The following CCL26 variants were observed in gnomAD, a reference collection of about 807,000 sequenced individuals.
CCL26 encodes C-C motif chemokine ligand 26, also known as C-C motif chemokine 26.
Under a neutral mutation model 10.7 loss-of-function variants are expected in CCL26, and 10 were observed. The observed-to-expected ratio is 0.93, with a 90% CI of 0.57 to 1.58. The LOEUF is 1.58. CCL26 is among the 40% of genes most tolerant of loss of function. The probability of loss-of-function intolerance (pLI) is 0.00; values close to 1 mark genes in which losing one functional copy is unlikely to be tolerated. For missense variants in CCL26, 116 were observed against 111.0 expected, an observed-to-expected ratio of 1.05 and a Z score of -0.20; for synonymous variants, 43 against 41.4, an observed-to-expected ratio of 1.04 and a Z score of -0.15.
intron 2 of CCL26, among the ~76,000 whole-genome samples, chr7:75,771,359 G>A (rs1407654962): frequency 6.6e-6 from 1 of 152,140 alleles, no homozygotes; most frequent in African/African-American, 2.4e-5. Flanking sequence ...TTAATTGTTA[G>A]CCACATTTTC....
At chr7:75,771,221 A>C (rs1554528062) in intron 2 of CCL26, among the ~76,000 whole-genome samples, 1 of 152,090 alleles carries the variant, frequency 6.6e-6, no homozygotes, top group Non-Finnish European at 1.5e-5. Flanking sequence ...GTACAACTCC[A>C]CCAATTTAAA....
chr7:75,787,499 G>C (rs2115696902), intron 1 of CCL26, among the ~76,000 whole-genome samples: 1 of 151,780 alleles, frequency 6.6e-6, no homozygotes, highest in East Asian at 1.9e-4. Flanking sequence ...AAAAAAATTA[G>C]CCAAGCGTGG....
At chr7:75,780,972 A>G (rs58965859) in intron 1 of CCL26, among the ~76,000 whole-genome samples, 106,573 of 152,046 alleles carry the variant, frequency 0.7, 37,425 homozygotes, top group Admixed American at 0.75. Context: ...AGCTAAAGGC[A>G]TAGTCAAGGT....
At chr7:75,788,111 A>G (rs1469864521) in intron 1 of CCL26, among the ~76,000 whole-genome samples, 3 of 151,972 alleles carry the variant, frequency 2.0e-5, no homozygotes, top group Admixed American at 6.6e-5. Flanking sequence ...CGCCGCCCCA[A>G]TACTTTACCA....
chr7:75,778,866 A>G (rs1261604766), intron 1 of CCL26, among the ~76,000 whole-genome samples: 1 of 151,866 alleles, frequency 6.6e-6, no homozygotes, highest in African/African-American at 2.4e-5. Context: ...GCAGATCACT[A>G]GGTCAGGAGT....
At chr7:75,788,555 G>A (rs535009067) in intron 1 of CCL26, among the ~76,000 whole-genome samples, 3 of 152,058 alleles carry the variant, frequency 2.0e-5, no homozygotes, top group Admixed American at 6.6e-5. Context: ...TCACATGGAC[G>A]CGAGTGAAAC....
chr7:75,785,902 A>G (rs748469918), intron 1 of CCL26, among the ~76,000 whole-genome samples: 45 of 152,110 alleles, frequency 3.0e-4, no homozygotes, highest in Non-Finnish European at 6.0e-4. Flanking sequence ...TTTTTGTCCA[A>G]ACAACTTGAC....
In CCL26 at chr7:75,783,849, A is replaced by T. The variant is rs549625224; in HGVS notation, c.-79+5868T>A. 2.0e-5 allele frequency among the ~76,000 whole-genome samples: 3 copies of T among 151,914 alleles called. No homozygotes were observed. In the South Asian group the frequency reaches 6.3e-4, roughly 32 times the overall value. ...AAGAACCCAGTCCAGTTCATTGCCC[A>T]CTTAGCAGCAACTCTGAGATGCTTT... On this transcript the variant is annotated intron_variant, in intron 1 of 3. Transcript: ENST00000394905.
At chr7:75,790,178 C>CCTTCCTTCCTTTCTTT (rs60788546), upstream of CCL26, among the ~76,000 whole-genome samples, 198 of 44,306 alleles carry the variant, frequency 4.5e-3, 6 homozygotes, top group East Asian at 0.033. Context: ...TTCCTTCCTT[C>CCTTCCTTCCTTTCTTT]CTTTCTTTCT....
At chr7:75,773,380 C>T (rs1459295939), upstream of CCL26, among the ~76,000 whole-genome samples, 9 of 150,730 alleles carry the variant, frequency 6.0e-5, no homozygotes, top group Non-Finnish European at 7.4e-5. Context: ...GCCGAGATCC[C>T]GCCATTGCAC....
chr7:75,790,642 C>G (rs1416939085), upstream of CCL26, among the ~76,000 whole-genome samples: 1 of 151,870 alleles, frequency 6.6e-6, no homozygotes, highest in African/African-American at 2.4e-5. Flanking sequence ...GTGATTATAC[C>G]CTGTTTATAA....
In CCL26 at chr7:75,769,585, C is replaced by T. The variant is rs574548043; in HGVS notation, c.*108G>A. The T allele has an allele frequency of 1.6e-6, 1 of 640,794 alleles. No individual in the cohort carries two copies. The highest frequency in any genetic ancestry group is 2.8e-6 in the Non-Finnish European group (1 of 352,340). The allele number at this position is 640,794 out of a possible 1,614,324, so 39.7% of individuals were successfully genotyped here. On this transcript the variant is annotated 3_prime_UTR_variant, in exon 3 of 3. Coordinates refer to ENST00000005180, the MANE Select transcript of CCL26 (RefSeq NM_001371938.1). ...GTAACTCTGGGAGGAAACACCCTCT[C>T]CTCCCCAGCGGGTCCATGTAGCCTT...
intron 1 of CCL26, among the ~76,000 whole-genome samples, chr7:75,783,088 G>A (rs1229878063): frequency 1.3e-5 from 2 of 152,142 alleles, no homozygotes; most frequent in Non-Finnish European, 2.9e-5. Flanking sequence ...TTTCCTCTTA[G>A]AGAGGTGGTT....
upstream of CCL26, chr7:75,790,011 T>TCCCTCCCTCCCC (rs1803288606): frequency 1.2e-5 from 1 of 81,182 alleles, no homozygotes; most frequent in Non-Finnish European, 2.5e-5. Flanking sequence ...CCTCCCTCCC[T>TCCCTCCCTCCCC]CCCTCCCTTC....
intron 1 of CCL26, among the ~76,000 whole-genome samples, chr7:75,777,514 G>A (rs1046964322): frequency 2.0e-5 from 3 of 152,002 alleles, no homozygotes; most frequent in East Asian, 3.8e-4. Flanking sequence ...TTAGGAAGCC[G>A]AGATAGGAGG....
rs1554529062 is a variant in CCL26 at position 75,778,847 on chromosome 7, G to GT, written c.-78-6594dup. Among the ~76,000 whole-genome samples the GT allele has an allele frequency of 8.4e-3, 1,151 of 137,740 alleles. 17 individuals are homozygous for GT. Among genetic ancestry groups the GT allele is most frequent in the African/African-American group, 0.031 (1,079 of 34,400 alleles). The allele number at this position is 137,740 out of a possible 152,430, so 90.4% of individuals were successfully genotyped here. On this transcript the variant is annotated intron_variant, in intron 1 of 3. Coordinates refer to the CCL26 transcript ENST00000394905. ...AATCCCAGCACTTTGGGAGGCCAAG[G>GT]TGGGGGGGGCAGATCACTAGGTCAG... is the stretch of plus-strand genomic sequence containing the variant.
In CCL26 at chr7:75,781,940, G is replaced by C. The variant is rs566693682; in HGVS notation, c.-79+7777C>G. Among the ~76,000 whole-genome samples the C allele has an allele frequency of 2.6e-5, 4 of 152,210 alleles. No individual in the cohort carries two copies. In the East Asian group the frequency reaches 7.7e-4, roughly 29 times the overall value. ...CTTCACATGGACACGTGAGACATTT[G>C]GTGCTGAAGACCCAGGTCAGTGGGA... On this transcript the variant is annotated intron_variant, in intron 1 of 3. Transcript: ENST00000394905.
chr7:75,773,822 G>A (rs965869849), upstream of CCL26, among the ~76,000 whole-genome samples: 10 of 151,422 alleles, frequency 6.6e-5, no homozygotes, highest in Admixed American at 5.9e-4. Context: ...GGCAGAGGTT[G>A]CAGTGAGCCA....
chr7:75,779,507 C>A (rs1803013777), intron 1 of CCL26, among the ~76,000 whole-genome samples: 1 of 152,188 alleles, frequency 6.6e-6, no homozygotes, highest in Non-Finnish European at 1.5e-5. Flanking sequence ...TATCCCTCAA[C>A]CTCTTTCTCC....
Sources: allele counts gnomAD v4.1 joint callset (sites outside exome capture counted in the v4.1 genomes callset), GRCh38; gene constraint gnomAD v4.1.1; transcripts MANE v1.5; gene names NCBI Gene and HGNC (gene_info 2026-07-23, HGNC 2026-07-21).